KCNB2: variants seen among roughly 807,000 people sequenced by gnomAD.
KCNB2 encodes the protein potassium voltage-gated channel subfamily B member 2, also known as delayed rectifier potassium channel protein.
Under a neutral mutation model 61.5 loss-of-function variants are expected in KCNB2, and 15 were observed. The observed-to-expected ratio is 0.24, with a 90% CI of 0.16 to 0.38. The LOEUF is 0.38. KCNB2 is among the 10% of genes least tolerant of loss of function. The pLI, the probability that KCNB2 is intolerant of heterozygous loss-of-function variation, is 1.00. For synonymous variants in KCNB2, 457 were observed against 446.0 expected (o/e 1.02, Z -0.31); for missense variants, 828 against 1,125.2 (o/e 0.74, Z 3.78).
At chr8:72,762,165 A>G (rs1808393263) in intron 2 of KCNB2, among the ~76,000 whole-genome samples, 1 of 152,220 alleles carries the variant, frequency 6.6e-6, no homozygotes, top group Admixed American at 6.5e-5. Flanking sequence ...AATTTACATT[A>G]GAAACCCATT....
chr8:72,822,855 G>A (rs1440332), intron 2 of KCNB2, among the ~76,000 whole-genome samples: 75,902 of 151,890 alleles, frequency 0.5, 19,580 homozygotes, highest in East Asian at 0.71. Flanking sequence ...TCTCAGCTTA[G>A]GTACACCACC....
At chr8:72,897,438 A>G (rs889425641) in intron 2 of KCNB2, among the ~76,000 whole-genome samples, 7 of 152,148 alleles carry the variant, frequency 4.6e-5, no homozygotes, top group African/African-American at 1.7e-4. Flanking sequence ...TTTGAAATAT[A>G]AATCATCTTC....
At chr8:72,613,958 T>G (rs1263268427) in intron 2 of KCNB2, among the ~76,000 whole-genome samples, 5 of 152,196 alleles carry the variant, frequency 3.3e-5, no homozygotes, top group Non-Finnish European at 7.3e-5. Flanking sequence ...ACACTGTTGC[T>G]GAGATAATGA....
At chr8:72,757,000 A>G (rs1808300798) in intron 2 of KCNB2, among the ~76,000 whole-genome samples, 1 of 152,222 alleles carries the variant, frequency 6.6e-6, no homozygotes, top group Non-Finnish European at 1.5e-5. Context: ...GAGTTGGGCC[A>G]GAAATATAAT....
intron 2 of KCNB2, among the ~76,000 whole-genome samples, chr8:72,802,481 A>G (rs371237496): frequency 4.9e-4 from 75 of 152,322 alleles, no homozygotes; most frequent in African/African-American, 1.8e-3. Context: ...AATTAAATAC[A>G]AGTTGTAGTA....
intron 2 of KCNB2, among the ~76,000 whole-genome samples, chr8:72,728,856 T>G (rs1049651010): frequency 6.6e-6 from 1 of 152,226 alleles, no homozygotes; most frequent in African/African-American, 2.4e-5. Context: ...GACATTATTC[T>G]TCAAAGAATT....
chr8:72,821,641 C>CAAAAAAAAAAAAAAAAAAAAAAAAA (rs61090576), intron 2 of KCNB2, among the ~76,000 whole-genome samples: 1 of 125,754 alleles, frequency 8.0e-6, no homozygotes, highest in African/African-American at 2.9e-5. Flanking sequence ...CAAAAAAAAA[C>CAAAAAAAAAAAAAAAAAAAAAAAAA]AAAAAAAAAA....
At chr8:72,903,642 G>A (rs1415047714) in intron 2 of KCNB2, among the ~76,000 whole-genome samples, 1 of 152,146 alleles carries the variant, frequency 6.6e-6, no homozygotes, top group Non-Finnish European at 1.5e-5. Flanking sequence ...CCTGGCCAGA[G>A]AGTGAGGTTC....
At chr8:72,618,945 G>T (rs916817658) in intron 2 of KCNB2, 20 of 343,160 alleles carry the variant, frequency 5.8e-5, no homozygotes, top group African/African-American at 4.4e-4. Flanking sequence ...CATGCCTCTG[G>T]CTGAAAGTGA....
chr8:72,839,456 A>C (rs1301166284), intron 2 of KCNB2, among the ~76,000 whole-genome samples: 3 of 152,202 alleles, frequency 2.0e-5, no homozygotes, highest in Non-Finnish European at 4.4e-5. Flanking sequence ...ATGAAAGCAG[A>C]GTCTAATAAC....
intron 2 of KCNB2, among the ~76,000 whole-genome samples, chr8:72,803,215 C>T (rs560323802): frequency 6.6e-6 from 1 of 152,164 alleles, no homozygotes; most frequent in Non-Finnish European, 1.5e-5. Context: ...TGATTGCTGA[C>T]CCGGGCTGGA....
At chr8:72,717,967 G>T (rs556899536) in intron 2 of KCNB2, among the ~76,000 whole-genome samples, 1,912 of 151,368 alleles carry the variant, frequency 0.013, 32 homozygotes, top group African/African-American at 0.044. Flanking sequence ...AAATTTACAA[G>T]AAAAAAACAA....
chr8:72,713,826 T>C lies in KCNB2; in HGVS notation c.579+145513T>C, dbSNP rs1450311256. Among the ~76,000 whole-genome samples, 2 of 151,910 alleles carry C rather than the reference T, an allele frequency of 1.3e-5. 1 individual carries two copies. The highest frequency in any genetic ancestry group is 4.8e-5 in the African/African-American group (2 of 41,322). ...CTGGATGGAGAATGACTTTAACAAC[T>C]TGAGAGAAGAAGGCTTCAGGAGATC... On this transcript the variant is annotated intron_variant, in intron 2 of 2. Transcript: ENST00000523207.
At chr8:72,559,354 A>G (rs529906342) in intron 1 of KCNB2, among the ~76,000 whole-genome samples, 14 of 152,086 alleles carry the variant, frequency 9.2e-5, no homozygotes, top group African/African-American at 3.1e-4. Context: ...CGTGTTTCCC[A>G]GGCTGATCTT....
At chr8:72,802,179 AGC>A (rs1294329915) in intron 2 of KCNB2, among the ~76,000 whole-genome samples, 1 of 152,236 alleles carries the variant, frequency 6.6e-6, no homozygotes, top group Non-Finnish European at 1.5e-5. Context: ...TCTACCACAG[AGC>A]TGAATATTTT....
chr8:72,715,393 T>C lies in KCNB2; in HGVS notation c.579+147080T>C, dbSNP rs569250943. Among the ~76,000 whole-genome samples the C allele has an allele frequency of 1.4e-4, 22 of 152,232 alleles. 1 individual carries two copies. In the East Asian group the frequency reaches 4.1e-3, roughly 28 times the overall value. The stretch of plus-strand genomic sequence containing the variant: ...GCACCACACCACACCTATTCCAAAA[T>C]TGACCACATAATTGGAAGTAAAGCA... On this transcript the variant is annotated intron_variant, in intron 2 of 2. Coordinates refer to ENST00000523207, the MANE Select transcript of KCNB2 (RefSeq NM_004770.3).
At chr8:72,756,110 G>T (rs942131176) in intron 2 of KCNB2, among the ~76,000 whole-genome samples, 1 of 152,224 alleles carries the variant, frequency 6.6e-6, no homozygotes, top group African/African-American at 2.4e-5. Context: ...CCAGCTCATT[G>T]TAGTGGGAAG....
At chr8:72,762,888 TA>T (rs1808405545) in intron 2 of KCNB2, among the ~76,000 whole-genome samples, 1 of 148,054 alleles carries the variant, frequency 6.8e-6, no homozygotes, top group Non-Finnish European at 1.5e-5. Context: ...AACAAATATA[TA>T]TATATATATA....
chr8:72,824,001 T>A (rs1360001192), intron 2 of KCNB2, among the ~76,000 whole-genome samples: 1 of 152,212 alleles, frequency 6.6e-6, no homozygotes, highest in Admixed American at 6.5e-5. Context: ...ATAAGCCTTT[T>A]TTAAATTTCT....
Sources: allele counts gnomAD v4.1 joint callset (sites outside exome capture counted in the v4.1 genomes callset), GRCh38; gene constraint gnomAD v4.1.1; transcripts MANE v1.5; gene names NCBI Gene and HGNC (gene_info 2026-07-23, HGNC 2026-07-21).